The following KLHL21 variants were observed in gnomAD, a reference collection of about 807,000 sequenced individuals.
The protein encoded by KLHL21 is kelch-like protein 21.
Under a neutral mutation model 44.1 loss-of-function variants are expected in KLHL21, and 42 were observed. The ratio of observed to expected loss-of-function variants is 0.95; its 90% CI spans 0.74 to 1.23. The LOEUF (loss-of-function observed/expected upper bound fraction) is 1.23, where lower values mean the gene tolerates loss of function less well. Among genes scored for constraint, KLHL21 ranks in the 50% most tolerant of loss-of-function variants. The probability of loss-of-function intolerance (pLI) is 0.00; values close to 1 mark genes in which losing one functional copy is unlikely to be tolerated. For missense variants in KLHL21, 918 were observed against 889.1 expected, an observed-to-expected ratio of 1.03 and a Z score of -0.41; for synonymous variants, 524 against 411.6, an observed-to-expected ratio of 1.27 and a Z score of -3.31.
chr1:6,599,790 CT>C, intron 1 of KLHL21: 1 of 266,542 alleles, frequency 3.8e-6, no homozygotes, highest in Non-Finnish European at 7.1e-6. Context: ...GACAGTTCTC[CT>C]GGGGAGCCAC....
At position 6,593,167 on chromosome 1, in the gene KLHL21, G is replaced by C. The variant is rs545412937; in HGVS notation, c.*198C>G. 2.7e-5 allele frequency: 15 copies of C among 562,404 alleles called. No individual in the cohort carries two copies. In the African/African-American group the frequency reaches 2.8e-4, roughly 10 times the overall value. 34.8% of individuals were successfully genotyped at this position (562,404 alleles called of 1,614,324 possible). On this transcript the variant is annotated 3_prime_UTR_variant, in exon 4 of 4. Coordinates refer to ENST00000377658, the MANE Select transcript of KLHL21 (RefSeq NM_014851.4). ...AGTGGCTCTTCCTCAACTGCAGGGA[G>C]GGCGTTCCCGACGGCCTCTGATTCA...
rs568408260 is a variant in KLHL21 at position 6,591,298 on chromosome 1, C to T, written c.*2067G>A. On this transcript the variant is annotated 3_prime_UTR_variant, in exon 4 of 4. Transcript: ENST00000377658. ...ACACAGGAGAGGGCACAATCCCAAG[C>T]GCAGCTCTCCTGCACTGGCTCGCAC... is the stretch of plus-strand genomic sequence containing the variant. 2.3e-4 allele frequency: 71 copies of T among 311,808 alleles called. No individual in the cohort carries two copies. Among genetic ancestry groups the T allele is most frequent in the African/African-American group, 8.9e-4 (42 of 47,204 alleles). The allele number at this position is 311,808 out of a possible 1,614,324, so 19.3% of individuals were successfully genotyped here.
At chr1:6,598,806 C>A (rs1640965552) in intron 2 of KLHL21, among the ~76,000 whole-genome samples, 2 of 152,166 alleles carry the variant, frequency 1.3e-5, no homozygotes, top group Non-Finnish European at 1.5e-5. Context: ...TGGCGTGAAC[C>A]CGGAAGGTGG....
chr1:6,593,569 T>C lies in KLHL21; in HGVS notation c.1590A>G (p.Val530=). 1 of 1,613,970 alleles carries C rather than the reference T, an allele frequency of 6.2e-7. No homozygotes were observed. The highest frequency in any genetic ancestry group is 8.5e-7 in the Non-Finnish European group (1 of 1,179,964). The part of the protein sequence containing the change: ...YDNTFELSDV[V]EAYDPETRAW... Reference sequence around the variant, plus strand: ...CGCGAGTCTCTGGGTCATAGGCCTCTACCACGTCCGAGAGTTCAAATGTAT... The same window carrying C: ...CGCGAGTCTCTGGGTCATAGGCCTCCACCACGTCCGAGAGTTCAAATGTAT... Residue 530 remains valine, a synonymous_variant, in exon 4 of 4, where the codon GTA becomes GTG. Coordinates refer to ENST00000377658, the MANE Select transcript of KLHL21 (RefSeq NM_014851.4).
chr1:6,593,351 G>A lies in KLHL21; in HGVS notation c.*14C>T, dbSNP rs751851649. On this transcript the variant is annotated 3_prime_UTR_variant, in exon 4 of 4. Coordinates refer to ENST00000377658, the MANE Select transcript of KLHL21 (RefSeq NM_014851.4). ...AGTTACCTGCACCGAGGCCCGTGCC[G>A]GGCCAGACTGGGGCTAGTGCAGCTC... 3.5e-5 allele frequency: 54 copies of A among 1,561,260 alleles called. No individual in the cohort carries two copies. Among genetic ancestry groups the A allele is most frequent in the East Asian group, 2.3e-4 (10 of 44,306 alleles).
Position 6,591,082 on chromosome 1 carries a change from G to C in KLHL21, c.*2283C>G. On this transcript the variant is annotated 3_prime_UTR_variant, in exon 4 of 4. Coordinates refer to ENST00000377658, the MANE Select transcript of KLHL21 (RefSeq NM_014851.4). Reference sequence around the variant, plus strand: ...AGACATCCTTAAGTGGTGGAGACATGACAGCCCAGAACCCACAGCAGAGGG... The same window carrying C: ...AGACATCCTTAAGTGGTGGAGACATCACAGCCCAGAACCCACAGCAGAGGG... 1 of 398,594 alleles carries C rather than the reference G, an allele frequency of 2.5e-6. No homozygotes were observed. 24.7% of individuals were successfully genotyped at this position (398,594 alleles called of 1,614,324 possible).
chr1:6,593,500 A>G lies in KLHL21; in HGVS notation c.1659T>C (p.His553=). The G allele has an allele frequency of 6.2e-7, 1 of 1,613,790 alleles. No individual in the cohort carries two copies. The highest frequency in any genetic ancestry group is 8.5e-7 in the Non-Finnish European group (1 of 1,180,014). Residue 553 remains histidine, a synonymous_variant, in exon 4 of 4, where the codon CAT becomes CAC. Coordinates refer to ENST00000377658, the MANE Select transcript of KLHL21 (RefSeq NM_014851.4). The stretch of plus-strand genomic sequence containing the variant: ...ACTGGCGGAAGATGCTGACACTGCC[A>G]TGCCAGAAGGTGGGTTCTGGGAGCC... ...VGRLPEPTFW[H]GSVSIFRQFM...
In KLHL21 at chr1:6,602,852, C is replaced by T. The variant is rs1570208740; in HGVS notation, c.-35G>A. ...GATAGGTTGTCGAGGACGCCGCGGCCGGGGCCTGCGGAGAGACGCGGCGCG... is the reference window on the plus strand; with the variant it reads ...GATAGGTTGTCGAGGACGCCGCGGCTGGGGCCTGCGGAGAGACGCGGCGCG... On this transcript the variant is annotated 5_prime_UTR_variant, in exon 1 of 4. Transcript: ENST00000377658. The T allele has an allele frequency of 7.9e-7, 1 of 1,259,484 alleles. No individual in the cohort carries two copies. 78.0% of individuals were successfully genotyped at this position (1,259,484 alleles called of 1,614,324 possible).
intron 2 of KLHL21, among the ~76,000 whole-genome samples, chr1:6,596,322 C>T (rs1287286783): frequency 6.6e-6 from 1 of 152,176 alleles, no homozygotes; most frequent in Non-Finnish European, 1.5e-5. Context: ...TCGCTTGAAC[C>T]CGGGTGGCTG....
At chr1:6,593,748 T>C (rs1640887478) in intron 3 of KLHL21, 90 bp from the exon 4 acceptor site, 9 of 1,456,104 alleles carry the variant, frequency 6.2e-6, no homozygotes, top group Non-Finnish European at 8.2e-6. Flanking sequence ...AGGCATGCCC[T>C]GTCAGTACCC....
At chr1:6,601,689 G>T (rs1398677552) in intron 1 of KLHL21, 108 bp downstream of exon 1, 6 of 1,436,184 alleles carry the variant, frequency 4.2e-6, no homozygotes, top group Non-Finnish European at 5.5e-6. Flanking sequence ...TTGGACTCAG[G>T]TGCGCCCCTA....
chr1:6,599,502 C>T (rs373104878), intron 1 of KLHL21, 50 bp from the exon 2 acceptor site: 8 of 1,532,988 alleles, frequency 5.2e-6, no homozygotes, highest in Non-Finnish European at 7.0e-6. Flanking sequence ...GGTGAGTCAC[C>T]CACCTGCACC....
At chr1:6,595,667 A>G in intron 2 of KLHL21, 110 bp from the exon 3 acceptor site, 5 of 871,688 alleles carry the variant, frequency 5.7e-6, no homozygotes, top group Non-Finnish European at 8.8e-6. Flanking sequence ...AGTGACCTGG[A>G]TCTTTCTGAT....
Position 6,599,447 on chromosome 1 carries a change from A to T in KLHL21, c.1027T>A (p.Ser343Thr), listed in dbSNP as rs759551302. 1 of 1,600,072 alleles carries T rather than the reference A, an allele frequency of 6.2e-7. No homozygotes were observed. Among genetic ancestry groups the T allele is most frequent in the Non-Finnish European group, 8.5e-7 (1 of 1,171,504 alleles). Residue 343 changes from serine to threonine, a missense_variant, in exon 2 of 4, where the codon TCC becomes ACC. By Grantham distance (58) the Ser-to-Thr change is moderately conservative (BLOSUM62 1). Transcript: ENST00000377658. ...CAGTCATAGAGCCGGGAGCCATCGG[A>T]CCCACCTGCCAGGACGCATGACAGG... ...LGNDIYVTGG[S>T]DGSRLYDCVW...
At chr1:6,595,189 G>A (rs748934190) in intron 3 of KLHL21, 2 of 576,956 alleles carry the variant, frequency 3.5e-6, no homozygotes, top group South Asian at 2.1e-5. Flanking sequence ...TCTGGAACAG[G>A]TGTCCCCAGA....
chr1:6,599,456 C>T lies in KLHL21; in HGVS notation c.1022-4G>A. 1 of 1,595,060 alleles carries T rather than the reference C, an allele frequency of 6.3e-7. No individual in the cohort carries two copies. Among genetic ancestry groups the T allele is most frequent in the Non-Finnish European group, 8.6e-7 (1 of 1,168,672 alleles). On this transcript the variant is annotated splice_region_variant and splice_polypyrimidine_tract_variant and intron_variant, in intron 1 of 3. Transcript: ENST00000377658. ...AGCCGGGAGCCATCGGACCCACCTG[C>T]CAGGACGCATGACAGGCAGAAGATC...
At position 6,593,482 on chromosome 1, in the gene KLHL21, G is replaced by A; in HGVS notation, c.1677C>T (p.Phe559=). Residue 559 remains phenylalanine, a synonymous_variant, in exon 4 of 4, where the codon TTC becomes TTT. Transcript: ENST00000377658. ...PTFWHGSVSI[F]RQFMPQTFSG... is the part of the protein sequence containing the mutation. Reference sequence around the variant, plus strand: ...AGAAGGTCTGGGGCATGAACTGGCGGAAGATGCTGACACTGCCATGCCAGA... The same window carrying A: ...AGAAGGTCTGGGGCATGAACTGGCGAAAGATGCTGACACTGCCATGCCAGA... 3 of 1,613,866 alleles carry A rather than the reference G, an allele frequency of 1.9e-6. No homozygotes were observed. The highest frequency in any genetic ancestry group is 2.5e-6 in the Non-Finnish European group (3 of 1,180,018).
Position 6,602,382 on chromosome 1 carries a change from C to A in KLHL21, c.436G>T (p.Glu146Ter). ...ANCLDMQDFA[E>*]AFSCSGLASA... ...GCCAGTCCCGAGCAGCTGAAGGCCT[C>A]AGCGAAGTCCTGCATGTCCAGGCAG... The change falls in exon 1 of 4, where the codon GAG becomes TAG. Residue 146 changes from glutamate (E) to a stop codon, truncating the protein, a stop_gained. Coordinates refer to ENST00000377658, the MANE Select transcript of KLHL21 (RefSeq NM_014851.4). LOFTEE classifies it high-confidence loss of function. 1 of 1,591,234 alleles carries A rather than the reference C, an allele frequency of 6.3e-7. No individual in the cohort carries two copies. Among genetic ancestry groups the A allele is most frequent in the Non-Finnish European group, 8.5e-7 (1 of 1,172,794 alleles).
At chr1:6,598,710 G>A (rs11122102) in intron 2 of KLHL21, among the ~76,000 whole-genome samples, 101,636 of 151,672 alleles carry the variant, frequency 0.67, 34,298 homozygotes, top group South Asian at 0.78. Flanking sequence ...GTGAAACCCC[G>A]TCTCTACAAA....
Sources: allele counts gnomAD v4.1 joint callset (sites outside exome capture counted in the v4.1 genomes callset), GRCh38; gene constraint gnomAD v4.1.1; transcripts MANE v1.5; gene names NCBI Gene and HGNC (gene_info 2026-07-23, HGNC 2026-07-21).